The following NF1 variants were observed in gnomAD, a reference collection of about 807,000 sequenced individuals.
The protein encoded by NF1 is neurofibromin 1.
In NF1, 122 loss-of-function variants were observed where a neutral mutation model predicts 325.7. That is an observed-to-expected ratio of 0.37 (90% CI 0.32 to 0.44). NF1 has a LOEUF of 0.44. NF1 is among the 20% of genes least tolerant of loss of function. The pLI, the probability that NF1 is intolerant of heterozygous loss-of-function variation, is 1.00. For missense variants in NF1, 2,140 were observed against 3,415.4 expected (o/e 0.63, Z 9.31); for synonymous variants, 1,091 against 1,186.0 (o/e 0.92, Z 1.65).
chr17:31,226,472 G>A lies in NF1; in HGVS notation c.2039G>A (p.Cys680Tyr), dbSNP rs2151425621. 6.2e-7 allele frequency: 1 copy of A among 1,613,706 alleles called. No individual in the cohort carries two copies. The highest frequency in any genetic ancestry group is 8.5e-7 in the Non-Finnish European group (1 of 1,179,772). Reference protein sequence around the residue: ...AAGCSGTPPICRQAQTKLEVA... With the variant: ...AAGCSGTPPIYRQAQTKLEVA... ...GGATGCAGCGGAACCCCCCCGATTT[G>A]CCGACAAGCCCAGACCAAACTAGAA... The change falls in exon 18 of 58, where the codon TGC (cysteine) becomes TAC (tyrosine). Residue 680 changes from cysteine (C) to tyrosine (Y), a missense_variant. By Grantham distance (194) the Cys-to-Tyr change is radical. Transcript: ENST00000358273.
intron 42 of NF1, 135 bp from the exon 43 acceptor site, chr17:31,337,233 A>G: frequency 1.3e-6 from 1 of 753,338 alleles, no homozygotes; most frequent in Non-Finnish European, 2.2e-6. Flanking sequence ...ATGTATCTAG[A>G]GGTTTGATTT....
chr17:31,335,274 T>TATATACA, intron 40 of NF1, among the ~76,000 whole-genome samples: 1 of 6,710 alleles, frequency 1.5e-4, no homozygotes. Flanking sequence ...CAAGGCATAA[T>TATATACA]TATATATATA....
At chr17:31,223,365 G>T (rs955096458) in intron 15 of NF1, 79 bp from the exon 16 acceptor site, 3 of 1,524,306 alleles carry the variant, frequency 2.0e-6, no homozygotes, top group Non-Finnish European at 2.7e-6. Context: ...CATTATGGGA[G>T]AATGCCATTC....
chr17:31,182,888 A>G, intron 8 of NF1: 1 of 605,076 alleles, frequency 1.7e-6, no homozygotes, highest in South Asian at 2.0e-5. Context: ...AAGATTTAAA[A>G]TAATCCCTTA....
chr17:31,128,725 A>G lies in NF1; in HGVS notation c.61-27258A>G, dbSNP rs375278044. On this transcript the variant is annotated intron_variant, in intron 1 of 57. Transcript: ENST00000358273. Reference sequence around the variant, plus strand: ...ATCATGAGGTCAGGAGATCGAGACCATCCTGGCTAACACCGTGAAACCCTG... The same window carrying G: ...ATCATGAGGTCAGGAGATCGAGACCGTCCTGGCTAACACCGTGAAACCCTG... Among the ~76,000 whole-genome samples, 29 of 152,144 alleles carry G rather than the reference A, an allele frequency of 1.9e-4. 1 individual carries two copies. The highest frequency in any genetic ancestry group is 6.3e-4 in the African/African-American group (26 of 41,508).
rs980495639 is a variant in NF1 at position 31,122,486 on chromosome 17, C to T, written c.60+27117C>T. 5.9e-5 allele frequency among the ~76,000 whole-genome samples: 9 copies of T among 152,314 alleles called. 1 individual carries two copies. The highest frequency in any genetic ancestry group is 3.4e-3 in the Middle Eastern group (1 of 294). ...CTTTGGAGACCCTTCTTCCCACCCC[C>T]ACATCAAAGCAAATGCCCTCAACTG... On this transcript the variant is annotated intron_variant, in intron 1 of 57. Transcript: ENST00000358273.
At chr17:31,307,757 G>A (rs1035433525) in intron 36 of NF1, 1 of 516,418 alleles carries the variant, frequency 1.9e-6, no homozygotes, top group African/African-American at 2.0e-5. Context: ...TAACATTAGG[G>A]AATAGAAAAT....
At chr17:31,169,707 A>G (rs1299099647) in intron 4 of NF1, among the ~76,000 whole-genome samples, 184 bp from the exon 5 acceptor site, 1 of 151,724 alleles carries the variant, frequency 6.6e-6, no homozygotes, top group African/African-American at 2.4e-5. Flanking sequence ...CATCATGCCC[A>G]GCTAATTTTT....
At chr17:31,229,702 C>G (rs1292617578) in intron 21 of NF1, 133 bp from the exon 22 acceptor site, 13 of 1,167,154 alleles carry the variant, frequency 1.1e-5, no homozygotes, top group African/African-American at 3.0e-5. Context: ...CTGCGTATAT[C>G]TGTATGCTTA....
At chr17:31,279,170 C>G (rs566042943) in intron 36 of NF1, among the ~76,000 whole-genome samples, 6 of 152,170 alleles carry the variant, frequency 3.9e-5, no homozygotes, top group Admixed American at 2.6e-4. Flanking sequence ...TCGCCTGACC[C>G]CAGGAGTTCA....
intron 11 of NF1, among the ~76,000 whole-genome samples, chr17:31,205,897 A>G (rs993014992): frequency 6.6e-6 from 1 of 152,038 alleles, no homozygotes; most frequent in Non-Finnish European, 1.5e-5. Context: ...GTAAAACATT[A>G]AACTTAAAAA....
chr17:31,158,175 G>A (rs921022506), intron 2 of NF1, among the ~76,000 whole-genome samples: 1 of 152,066 alleles, frequency 6.6e-6, no homozygotes, highest in Admixed American at 6.5e-5. Context: ...AGAGCATGTG[G>A]TGTTTAACTT....
Position 31,343,146 on chromosome 17 carries a change from C to T in NF1, c.7189+11C>T, listed in dbSNP as rs2151565367. 6.2e-7 allele frequency: 1 copy of T among 1,605,146 alleles called. No individual in the cohort carries two copies. The highest frequency in any genetic ancestry group is 8.5e-7 in the Non-Finnish European group (1 of 1,172,252). ...GACACCTTTTAAAAGGTAAAAAAGCCTTATTTAGAATATTTTTATGAAGTA... is the reference window on the plus strand; with the variant it reads ...GACACCTTTTAAAAGGTAAAAAAGCTTTATTTAGAATATTTTTATGAAGTA... On this transcript the variant is annotated intron_variant, in intron 48 of 57. Transcript: ENST00000358273.
In NF1 at chr17:31,200,382, A is replaced by C. The variant is rs776630317; in HGVS notation, c.889-40A>C. ...ATTAGCTACATCTGGAATAGAAGAAACTTCATATATTATCTTATCGCTATA... is the reference window on the plus strand; with the variant it reads ...ATTAGCTACATCTGGAATAGAAGAACCTTCATATATTATCTTATCGCTATA... On this transcript the variant is annotated intron_variant, in intron 8 of 57. Transcript: ENST00000358273. The C allele has an allele frequency of 2.1e-5, 34 of 1,598,842 alleles. No homozygotes were observed. The East Asian group carries it at 6.0e-4, about 28-fold the overall frequency.
intron 2 of NF1, among the ~76,000 whole-genome samples, chr17:31,158,331 C>T (rs1281652246): frequency 2.0e-5 from 3 of 152,156 alleles, no homozygotes; most frequent in African/African-American, 7.2e-5. Flanking sequence ...AAAAGCAGGA[C>T]CATTTATAAA....
chr17:31,117,672 C>CAAAAA (rs780828438), intron 1 of NF1, among the ~76,000 whole-genome samples: 287 of 19,816 alleles, frequency 0.014, 74 homozygotes, highest in South Asian at 0.027. Context: ...AACTCCATCT[C>CAAAAA]AAAAAAAAAA....
chr17:31,099,831 G>T (rs965608271), intron 1 of NF1, among the ~76,000 whole-genome samples: 8 of 152,044 alleles, frequency 5.3e-5, no homozygotes, highest in Non-Finnish European at 5.9e-5. Context: ...AAAGTGCTGG[G>T]ATTACAGGCG....
chr17:31,232,045 T>G, intron 24 of NF1, 28 bp from the exon 25 acceptor site: 1 of 731,910 alleles, frequency 1.4e-6, no homozygotes, highest in Non-Finnish European at 2.0e-6. Flanking sequence ...GTCTCTAAAT[T>G]TTTTTTTTTT....
chr17:31,350,474 G>A (rs1597860028), intron 50 of NF1, among the ~76,000 whole-genome samples, 156 bp downstream of exon 50: 1 of 152,160 alleles, frequency 6.6e-6, no homozygotes, highest in South Asian at 2.1e-4. Context: ...TAAATGTGTG[G>A]TATTTTATGT....
Sources: gnomAD v4.1 joint callset for allele counts (sites outside exome capture counted in the v4.1 genomes callset) on GRCh38, gnomAD v4.1.1 for gene constraint, MANE v1.5 for transcripts, NCBI Gene and HGNC (gene_info 2026-07-23, HGNC 2026-07-21) for gene names.